IL1RAPL1: variants seen among roughly 807,000 people sequenced by gnomAD.
The protein encoded by IL1RAPL1 is interleukin 1 receptor accessory protein like 1, also known as interleukin-1 receptor accessory protein-like 1.
IL1RAPL1 carries 3 observed loss-of-function variants against 48.4 expected under a neutral mutation model. That is an observed-to-expected ratio of 0.06 (90% CI 0.03 to 0.16). IL1RAPL1 has a LOEUF of 0.16. IL1RAPL1 is among the 10% of genes least tolerant of loss of function. The pLI, the probability that IL1RAPL1 is intolerant of heterozygous loss-of-function variation, is 1.00. For missense variants in IL1RAPL1, 349 were observed against 530.6 expected, an observed-to-expected ratio of 0.66 and a Z score of 3.36; for synonymous variants, 185 against 187.7, an observed-to-expected ratio of 0.99 and a Z score of 0.12.
chrX:29,829,708 A>C (rs1236593377), intron 6 of IL1RAPL1, among the ~76,000 whole-genome samples: 1 of 111,720 alleles, frequency 9.0e-6, no homozygotes, highest in Non-Finnish European at 1.9e-5. Context: ...GGATTGGATA[A>C]GATAATATAC....
At chrX:28,645,034 T>C (rs1934591129) in intron 1 of IL1RAPL1, among the ~76,000 whole-genome samples, 1 of 110,038 alleles carries the variant, frequency 9.1e-6, no homozygotes, top group South Asian at 3.9e-4. Flanking sequence ...ATAATCTCTT[T>C]GGGGAAAAAA....
intron 2 of IL1RAPL1, among the ~76,000 whole-genome samples, chrX:29,282,079 C>CCAT (rs1233970041): frequency 1.8e-5 from 2 of 111,124 alleles, no homozygotes; most frequent in Non-Finnish European, 3.8e-5. Context: ...CTCATCTAAC[C>CCAT]CTAATTACCT....
chrX:29,495,350 C>T (rs1036195935), intron 5 of IL1RAPL1, among the ~76,000 whole-genome samples: 1 of 111,880 alleles, frequency 8.9e-6, no homozygotes, highest in Non-Finnish European at 1.9e-5. Flanking sequence ...ATTTATTTCT[C>T]TGCTTAATTC....
intron 2 of IL1RAPL1, among the ~76,000 whole-genome samples, chrX:29,149,915 G>A (rs761275033): frequency 3.6e-5 from 4 of 111,688 alleles, no homozygotes; most frequent in Non-Finnish European, 5.6e-5. Flanking sequence ...TAGAATGAGT[G>A]CTGGATTTGA....
At chrX:28,678,810 TATAAC>T (rs1318898481) in intron 1 of IL1RAPL1, among the ~76,000 whole-genome samples, 1 of 112,295 alleles carries the variant, frequency 8.9e-6, no homozygotes, top group African/African-American at 3.2e-5. Flanking sequence ...GTGAAATTCA[TATAAC>T]ATACAATTGA....
At position 28,690,115 on chromosome X, in the gene IL1RAPL1, G is replaced by A. The variant is rs530696183; in HGVS notation, c.-24-99205G>A. On this transcript the variant is annotated intron_variant, in intron 1 of 10. Coordinates refer to ENST00000378993, the MANE Select transcript of IL1RAPL1 (RefSeq NM_014271.4). Reference sequence around the variant, plus strand: ...ACTCATGGCAGAATGCAGAGGGGGTGGGGGTAGTGGATAAATTAGATTATT... The same window carrying A: ...ACTCATGGCAGAATGCAGAGGGGGTAGGGGTAGTGGATAAATTAGATTATT... Among the ~76,000 whole-genome samples, 29 of 111,288 alleles carry A rather than the reference G, an allele frequency of 2.6e-4. No homozygotes were observed. The South Asian group carries it at 9.9e-3, about 38-fold the overall frequency.
At chrX:29,341,844 T>C (rs921404918) in intron 3 of IL1RAPL1, among the ~76,000 whole-genome samples, 5 of 111,380 alleles carry the variant, frequency 4.5e-5, no homozygotes, top group African/African-American at 1.3e-4. Flanking sequence ...TCTCACTCTC[T>C]CACCCAGGCT....
chrX:29,202,869 G>A (rs1443825783), intron 2 of IL1RAPL1, among the ~76,000 whole-genome samples: 1 of 111,230 alleles, frequency 9.0e-6, no homozygotes, highest in Non-Finnish European at 1.9e-5. Context: ...AAGGTGGAGG[G>A]TGGGAGTAGG....
chrX:29,477,465 C>T (rs1346555722), intron 5 of IL1RAPL1, among the ~76,000 whole-genome samples: 4 of 111,805 alleles, frequency 3.6e-5, no homozygotes, highest in Non-Finnish European at 7.5e-5. Context: ...TCTCTATATC[C>T]TCGTAAGCAC....
chrX:29,406,138 C>T (rs1934063593), intron 5 of IL1RAPL1, among the ~76,000 whole-genome samples: 1 of 111,603 alleles, frequency 9.0e-6, no homozygotes, highest in Non-Finnish European at 1.9e-5. Flanking sequence ...GCCTATAATC[C>T]CAGCACTTTG....
At chrX:29,295,307 T>C (rs1219437364) in intron 3 of IL1RAPL1, among the ~76,000 whole-genome samples, 1 of 112,086 alleles carries the variant, frequency 8.9e-6, no homozygotes, top group Admixed American at 9.4e-5. Context: ...GCCTACACTT[T>C]AAGCTATTAG....
chrX:29,925,412 G>T (rs201372580), intron 8 of IL1RAPL1, among the ~76,000 whole-genome samples: 453 of 11,314 alleles, frequency 0.04, no homozygotes, highest in South Asian at 0.071. Flanking sequence ...TCCCGTAACT[G>T]TTTTTTTTTT....
chrX:28,660,179 G>C (rs1490153594), intron 1 of IL1RAPL1, among the ~76,000 whole-genome samples: 1 of 100,486 alleles, frequency 1.0e-5, no homozygotes, highest in African/African-American at 3.6e-5. Context: ...ATTGACTCTA[G>C]TTATTTCTGT....
intron 1 of IL1RAPL1, among the ~76,000 whole-genome samples, chrX:28,663,238 TC>T (rs60268523): frequency 0.13 from 13,912 of 111,165 alleles, 688 homozygotes; most frequent in African/African-American, 0.15. Flanking sequence ...CTCATAGGTG[TC>T]CCTAGCCTTC....
chrX:28,766,593 G>A (rs996862115), intron 1 of IL1RAPL1, among the ~76,000 whole-genome samples: 3 of 110,288 alleles, frequency 2.7e-5, no homozygotes, highest in African/African-American at 9.9e-5. Context: ...AGTTATTATT[G>A]AGTATAGCCA....
intron 6 of IL1RAPL1, among the ~76,000 whole-genome samples, chrX:29,824,731 A>G (rs1204247783): frequency 8.9e-6 from 1 of 111,880 alleles, no homozygotes; most frequent in Non-Finnish European, 1.9e-5. Context: ...GGTTAAACGC[A>G]TGACCTAGAA....
chrX:29,299,190 C>T (rs1246683100), intron 3 of IL1RAPL1, among the ~76,000 whole-genome samples: 2 of 111,296 alleles, frequency 1.8e-5, no homozygotes, highest in Non-Finnish European at 3.8e-5. Flanking sequence ...GGCTGGCTCT[C>T]CTTGCTCCTC....
intron 5 of IL1RAPL1, among the ~76,000 whole-genome samples, chrX:29,460,174 C>T (rs1293011591): frequency 1.8e-5 from 2 of 111,964 alleles, no homozygotes; most frequent in African/African-American, 3.2e-5. Context: ...TTTCCTAAGT[C>T]GTTACCTAGG....
intron 5 of IL1RAPL1, among the ~76,000 whole-genome samples, chrX:29,639,185 C>CA (rs57219766): frequency 0.067 from 3,568 of 53,016 alleles, 105 homozygotes; most frequent in Middle Eastern, 0.15. Flanking sequence ...GACTCCGTCT[C>CA]AAAAAAAAAA....
Sources: allele counts gnomAD v4.1 joint callset (sites outside exome capture counted in the v4.1 genomes callset), GRCh38; gene constraint gnomAD v4.1.1; transcripts MANE v1.5; gene names NCBI Gene and HGNC (gene_info 2026-07-23, HGNC 2026-07-21).